Variants in SMYD3 observed in about 807,000 individuals in gnomAD.
SMYD3 encodes histone-lysine N-methyltransferase SMYD3.
SMYD3 carries 36 observed loss-of-function variants against 57.7 expected under a neutral mutation model. The ratio of observed to expected loss-of-function variants is 0.62; its 90% confidence interval spans 0.48 to 0.82. The LOEUF is 0.82. Ranked by LOEUF, SMYD3 falls within the 40% of genes least tolerant of loss-of-function variation. The probability of loss-of-function intolerance (pLI) is 0.00; values close to 1 mark genes in which losing one functional copy is unlikely to be tolerated. For synonymous variants in SMYD3, 211 were observed against 195.0 expected (o/e 1.08, Z -0.68); for missense variants, 515 against 538.8 (o/e 0.96, Z 0.44).
At chr1:246,194,328 T>C (rs947292783) in intron 5 of SMYD3, among the ~76,000 whole-genome samples, 12 of 151,648 alleles carry the variant, frequency 7.9e-5, no homozygotes, top group Admixed American at 1.3e-4. Context: ...AGTGCAGTAG[T>C]GCGATCTCAG....
At chr1:245,810,739 ATGAGAACTGAGC>A (rs2048418309) in intron 10 of SMYD3, among the ~76,000 whole-genome samples, 1 of 152,198 alleles carries the variant, frequency 6.6e-6, no homozygotes, top group Non-Finnish European at 1.5e-5. Context: ...TGTAATTTGA[ATGAGAACTGAGC>A]TGAGAACTGC....
At chr1:245,783,884 A>G (rs1404695595) in intron 10 of SMYD3, among the ~76,000 whole-genome samples, 1 of 152,236 alleles carries the variant, frequency 6.6e-6, no homozygotes, top group African/African-American at 2.4e-5. Flanking sequence ...AACACAGATG[A>G]AAGATCTAAA....
chr1:246,411,570 G>C (rs1041672515), intron 1 of SMYD3, among the ~76,000 whole-genome samples: 5 of 152,130 alleles, frequency 3.3e-5, no homozygotes, highest in South Asian at 2.1e-4. Context: ...GACTTGGAAC[G>C]AAGCCAAATG....
At chr1:245,801,799 G>A (rs2047878915) in intron 10 of SMYD3, among the ~76,000 whole-genome samples, 1 of 148,848 alleles carries the variant, frequency 6.7e-6, no homozygotes, top group Non-Finnish European at 1.5e-5. Flanking sequence ...AATAAAAAAG[G>A]GAAACCCAGC....
intron 2 of SMYD3, among the ~76,000 whole-genome samples, chr1:246,343,707 A>G (rs189568062): frequency 2.3e-3 from 348 of 152,282 alleles, no homozygotes; most frequent in African/African-American, 8.2e-3. Context: ...AATGTACAGA[A>G]TCTTGTTGAA....
chr1:246,103,903 C>T (rs953341599), intron 5 of SMYD3, among the ~76,000 whole-genome samples: 5 of 152,144 alleles, frequency 3.3e-5, no homozygotes, highest in Non-Finnish European at 7.3e-5. Flanking sequence ...TTGACTTTAT[C>T]CCTCTGTCAC....
intron 5 of SMYD3, among the ~76,000 whole-genome samples, chr1:246,236,965 G>C (rs373070298): frequency 1.3e-5 from 2 of 152,166 alleles, no homozygotes; most frequent in Non-Finnish European, 1.5e-5. Flanking sequence ...CCACCTTGCT[G>C]GGCTGTGCTG....
At chr1:246,360,695 G>A (rs12138520) in intron 1 of SMYD3, among the ~76,000 whole-genome samples, 5 of 152,256 alleles carry the variant, frequency 3.3e-5, no homozygotes, top group East Asian at 3.9e-4. Flanking sequence ...ACATAAAGTA[G>A]GGAAAGGACA....
intron 8 of SMYD3, among the ~76,000 whole-genome samples, chr1:245,875,908 C>A (rs1224351335): frequency 6.6e-6 from 1 of 152,216 alleles, no homozygotes; most frequent in African/African-American, 2.4e-5. Flanking sequence ...AACAAACTTA[C>A]AAATCCCTCT....
chr1:245,940,802 A>T (rs1304325051), intron 5 of SMYD3, among the ~76,000 whole-genome samples: 1 of 152,248 alleles, frequency 6.6e-6, no homozygotes, highest in Non-Finnish European at 1.5e-5. Flanking sequence ...GCACAGAACT[A>T]GGCAGAGTCT....
At chr1:246,369,785 C>G (rs1328497833) in intron 1 of SMYD3, among the ~76,000 whole-genome samples, 1 of 152,142 alleles carries the variant, frequency 6.6e-6, no homozygotes, top group Admixed American at 6.5e-5. Context: ...ACCTCAGCCT[C>G]CCAAAGTGCT....
intron 5 of SMYD3, among the ~76,000 whole-genome samples, chr1:246,295,763 C>A (rs917643117): frequency 1.3e-5 from 2 of 152,152 alleles, no homozygotes; most frequent in Non-Finnish European, 2.9e-5. Flanking sequence ...GACCTTGACA[C>A]CAGTACAAGC....
At chr1:245,986,429 T>C (rs1479068285) in intron 5 of SMYD3, among the ~76,000 whole-genome samples, 1 of 152,252 alleles carries the variant, frequency 6.6e-6, no homozygotes, top group Non-Finnish European at 1.5e-5. Flanking sequence ...ATTTTTGCTG[T>C]ATGCAACTGT....
At chr1:246,427,463 T>G (rs1572491347) in intron 1 of SMYD3, among the ~76,000 whole-genome samples, 2 of 145,718 alleles carry the variant, frequency 1.4e-5, no homozygotes, top group Admixed American at 7.0e-5. Flanking sequence ...GAGCTTGCAG[T>G]GAGCCGAGAT....
At chr1:246,391,571 C>T (rs2066573807) in intron 1 of SMYD3, among the ~76,000 whole-genome samples, 2 of 151,740 alleles carry the variant, frequency 1.3e-5, no homozygotes, top group South Asian at 4.2e-4. Flanking sequence ...TTCAAAGATA[C>T]AAACAAGTTC....
intron 5 of SMYD3, among the ~76,000 whole-genome samples, chr1:246,304,660 T>C (rs948793109): frequency 1.3e-5 from 2 of 152,146 alleles, no homozygotes; most frequent in African/African-American, 4.8e-5. Context: ...ATCCCAAGCA[T>C]TTATCCCATT....
chr1:246,396,535 C>T (rs1199831633), intron 1 of SMYD3, among the ~76,000 whole-genome samples: 2 of 152,144 alleles, frequency 1.3e-5, no homozygotes, highest in Non-Finnish European at 2.9e-5. Context: ...AACTATTATG[C>T]AACATCGGTT....
intron 1 of SMYD3, among the ~76,000 whole-genome samples, chr1:246,435,981 C>T (rs1315971585): frequency 2.0e-5 from 3 of 152,104 alleles, no homozygotes; most frequent in Admixed American, 6.5e-5. Context: ...CAGCACAGTA[C>T]TTCTCACATA....
chr1:245,764,227 T>G, intron 10 of SMYD3, 78 bp from the exon 11 acceptor site: 2 of 937,920 alleles, frequency 2.1e-6, no homozygotes, highest in Admixed American at 3.8e-5. Context: ...ACTACGAAAG[T>G]GGAAGCAGAC....
Sources: gnomAD v4.1 joint callset for allele counts (sites outside exome capture counted in the v4.1 genomes callset) on GRCh38, gnomAD v4.1.1 for gene constraint, MANE v1.5 for transcripts, NCBI Gene and HGNC (gene_info 2026-07-23, HGNC 2026-07-21) for gene names.